The following FAM184B variants were observed in gnomAD, a reference collection of about 807,000 sequenced individuals.
FAM184B encodes the protein protein FAM184B.
In FAM184B, 111 loss-of-function variants were observed where a neutral mutation model predicts 135.9. The ratio of observed to expected loss-of-function variants is 0.82; its 90% CI spans 0.70 to 0.96. The LOEUF (loss-of-function observed/expected upper bound fraction) is 0.96. Ranked by LOEUF, FAM184B falls within the 40% of genes least tolerant of loss-of-function variation. FAM184B has a pLI of 0.00. For synonymous variants in FAM184B, 552 were observed against 524.8 expected (o/e 1.05, Z -0.71); for missense variants, 1,375 against 1,323.9 (o/e 1.04, Z -0.60).
chr4:17,702,860 A>G (rs1717022478), intron 5 of FAM184B, among the ~76,000 whole-genome samples: 1 of 152,152 alleles, frequency 6.6e-6, no homozygotes, highest in South Asian at 2.1e-4. Context: ...CCGGGGATGG[A>G]AAGAGTGTCC....
intron 15 of FAM184B, among the ~76,000 whole-genome samples, chr4:17,635,548 C>A (rs945810265): frequency 6.6e-6 from 1 of 151,408 alleles, no homozygotes. Flanking sequence ...ACTATATGGC[C>A]GATCTTGTTT....
At chr4:17,702,852 G>T (rs933185800) in intron 5 of FAM184B, among the ~76,000 whole-genome samples, 3 of 152,146 alleles carry the variant, frequency 2.0e-5, no homozygotes, top group African/African-American at 7.2e-5. Flanking sequence ...GCTTGTGGCC[G>T]GGGATGGAAA....
intron 16 of FAM184B, 107 bp downstream of exon 16, chr4:17,634,902 A>C: frequency 1.5e-6 from 1 of 678,048 alleles, no homozygotes; most frequent in East Asian, 3.0e-5. Context: ...TTTCCAATGA[A>C]TATTTTTCTG....
chr4:17,709,403 T>C lies in FAM184B; in HGVS notation c.383A>G (p.Glu128Gly). ...CACCCTCAGCTCTCTCTCCTTCGTC[T>C]CCAGCCTGCACGAGGCCGACTCAGC... The part of the protein sequence containing the change: ...ALAESASCRL[E>G]TKERELRVEA... The change falls in exon 2 of 18, where the codon GAG (glutamate) becomes GGG (glycine). Residue 128 changes from glutamate to glycine, a missense_variant. Coordinates refer to ENST00000265018, the MANE Select transcript of FAM184B (RefSeq NM_015688.2). The C allele has an allele frequency of 6.6e-7, 1 of 1,520,598 alleles. No homozygotes were observed. The highest frequency in any genetic ancestry group is 8.9e-7 in the Non-Finnish European group (1 of 1,129,124). 94.2% of individuals were successfully genotyped at this position (1,520,598 alleles called of 1,614,324 possible).
intron 12 of FAM184B, among the ~76,000 whole-genome samples, chr4:17,644,537 C>A (rs558724164): frequency 6.6e-6 from 1 of 152,126 alleles, no homozygotes; most frequent in Non-Finnish European, 1.5e-5. Flanking sequence ...ATTCAACAGC[C>A]CTTCATGCTA....
At chr4:17,671,079 T>C (rs914090355) in intron 7 of FAM184B, among the ~76,000 whole-genome samples, 2 of 152,070 alleles carry the variant, frequency 1.3e-5, no homozygotes, top group African/African-American at 4.8e-5. Context: ...ATTCCCTTTG[T>C]AAAAAATCAG....
At chr4:17,722,882 C>T (rs888498628) in intron 1 of FAM184B, among the ~76,000 whole-genome samples, 5 of 152,146 alleles carry the variant, frequency 3.3e-5, no homozygotes, top group African/African-American at 1.2e-4. Flanking sequence ...ACAAAGAAAT[C>T]TTAACACTTT....
Position 17,705,057 on chromosome 4 carries a change from G to A in FAM184B, c.1320C>T (p.Thr440=), listed in dbSNP as rs372229395. Residue 440 remains threonine, a synonymous_variant, in exon 5 of 18, where the codon ACC becomes ACT. Coordinates refer to ENST00000265018, the MANE Select transcript of FAM184B (RefSeq NM_015688.2). ...KRLEDLVKKH[T]VEIKSVRSSV... ...ACGAGCGAACGGATTTGATTTCCACGGTGTGCTTCTTTACCAAGTCTTCTA... is the reference window on the plus strand; with the variant it reads ...ACGAGCGAACGGATTTGATTTCCACAGTGTGCTTCTTTACCAAGTCTTCTA... The A allele has an allele frequency of 6.6e-5, 103 of 1,551,590 alleles. No individual in the cohort carries two copies. In the African/African-American group the frequency reaches 1.2e-3, roughly 17 times the overall value.
intron 6 of FAM184B, among the ~76,000 whole-genome samples, chr4:17,692,634 TGTGATGTACAGCCAGGGC>T (rs1244503903): frequency 1.3e-5 from 2 of 152,158 alleles, no homozygotes; most frequent in Non-Finnish European, 2.9e-5. Flanking sequence ...CCCTAGAGGT[TGTGATGTACAGCCAGGGC>T]TGAGGAACTG....
chr4:17,635,291 T>TA (rs1208816092), intron 15 of FAM184B, among the ~76,000 whole-genome samples, 178 bp from the exon 16 acceptor site: 1 of 152,182 alleles, frequency 6.6e-6, no homozygotes, highest in Non-Finnish European at 1.5e-5. Flanking sequence ...TTGCTTTTTT[T>TA]ATGTCCCCAG....
At chr4:17,737,455 C>A (rs2108981395) in intron 1 of FAM184B, among the ~76,000 whole-genome samples, 2 of 151,672 alleles carry the variant, frequency 1.3e-5, no homozygotes, top group East Asian at 1.9e-4. Context: ...AACACAATGA[C>A]CTTTAAAAAA....
At chr4:17,776,834 G>C (rs1206908371) in intron 1 of FAM184B, among the ~76,000 whole-genome samples, 1 of 152,176 alleles carries the variant, frequency 6.6e-6, no homozygotes, top group Non-Finnish European at 1.5e-5. Flanking sequence ...AGCTAGGTGA[G>C]TGCACAGTGG....
At position 17,642,158 on chromosome 4, in the gene FAM184B, C is replaced by T; in HGVS notation, c.2417G>A (p.Gly806Glu). The stretch of plus-strand genomic sequence containing the variant: ...GAGCTGCGCGTTCTCCTCCCAGAGC[C>T]CGCATCCCTCGCCGGAACCCTGCCC... ...AAGQGSGEGC[G>E]LWEENAQLQD... The change falls in exon 13 of 18, where the codon GGG becomes GAG. Residue 806 changes from glycine (G) to glutamate (E), a missense_variant. Transcript: ENST00000265018. 2.0e-6 allele frequency: 3 copies of T among 1,533,434 alleles called. No homozygotes were observed. The highest frequency in any genetic ancestry group is 2.6e-6 in the Non-Finnish European group (3 of 1,145,492). 95.0% of individuals were successfully genotyped at this position (1,533,434 alleles called of 1,614,324 possible).
At position 17,781,153 on chromosome 4, in the gene FAM184B, C is replaced by T. The variant is rs1161221972; in HGVS notation, c.141+6G>A. On this transcript the variant is annotated splice_donor_region_variant and intron_variant, in intron 1 of 17. Transcript: ENST00000265018. This position sits in a 1 kb window ranked among gnomAD's most constrained non-coding sequence, Gnocchi z 6.5. The stretch of plus-strand genomic sequence containing the variant: ...CAGCTCGCTGGCCCGCTGCGCCCCA[C>T]CTTACCTTGGTGAGCTGGGCGATCT... 1 of 1,541,270 alleles carries T rather than the reference C, an allele frequency of 6.5e-7. No homozygotes were observed. The highest frequency in any genetic ancestry group is 8.8e-7 in the Non-Finnish European group (1 of 1,141,606).
At chr4:17,648,410 G>A (rs1715523277) in intron 11 of FAM184B, among the ~76,000 whole-genome samples, 1 of 151,662 alleles carries the variant, frequency 6.6e-6, no homozygotes, top group Non-Finnish European at 1.5e-5. Context: ...GCAGTGACAC[G>A]ATCTCGGCTC....
chr4:17,660,086 T>A lies in FAM184B; in HGVS notation c.1696A>T (p.Thr566Ser). Reference sequence around the variant, plus strand: ...CTTCCCTCCTTGAGAAGCACTTTGGTCCTTTGAAGATAAGGATGCCACAAT... The same window carrying A: ...CTTCCCTCCTTGAGAAGCACTTTGGACCTTTGAAGATAAGGATGCCACAAT... ...EGTSSDEEER[T>S]KVLLKEGSDP... The change falls in exon 9 of 18, where the codon ACC becomes TCC. Residue 566 changes from threonine to serine, a missense_variant and splice_region_variant. By Grantham distance (58) the Thr-to-Ser change is moderately conservative. Transcript: ENST00000265018. 8 of 1,551,316 alleles carry A rather than the reference T, an allele frequency of 5.2e-6. No homozygotes were observed. The highest frequency in any genetic ancestry group is 6.1e-6 in the Non-Finnish European group (7 of 1,146,906).
At chr4:17,693,664 A>G (rs1685973295) in intron 5 of FAM184B, among the ~76,000 whole-genome samples, 1 of 152,250 alleles carries the variant, frequency 6.6e-6, no homozygotes, top group South Asian at 2.1e-4. Context: ...CAAATAAAAA[A>G]ATGCTCATTA....
intron 13 of FAM184B, among the ~76,000 whole-genome samples, chr4:17,639,973 C>T (rs903814450): frequency 1.0e-3 from 158 of 151,786 alleles, no homozygotes; most frequent in African/African-American, 3.6e-3. Flanking sequence ...GGATTACAGG[C>T]GCCCAGCACC....
At chr4:17,638,729 G>A (rs1715221733) in intron 14 of FAM184B, among the ~76,000 whole-genome samples, 1 of 152,168 alleles carries the variant, frequency 6.6e-6, no homozygotes, top group Admixed American at 6.5e-5. Context: ...TCTTCGAAGT[G>A]TGAGGGTTAA....
Sources: allele counts gnomAD v4.1 joint callset (sites outside exome capture counted in the v4.1 genomes callset), GRCh38; gene constraint gnomAD v4.1.1; non-coding constraint Gnocchi (gnomAD v3.1); transcripts MANE v1.5; gene names NCBI Gene and HGNC (gene_info 2026-07-23, HGNC 2026-07-21).